The following FIG4 variants were observed in gnomAD, a reference collection of about 807,000 sequenced individuals.
FIG4 encodes the protein polyphosphoinositide phosphatase.
FIG4 carries 112 observed loss-of-function variants against 118.6 expected under a neutral mutation model. The ratio of observed to expected loss-of-function variants is 0.94; its 90% CI spans 0.81 to 1.11. The LOEUF (loss-of-function observed/expected upper bound fraction) is 1.11. Ranked by LOEUF, FIG4 falls within the 50% of genes least tolerant of loss-of-function variation. FIG4 has a pLI of 0.00. For missense variants in FIG4, 969 were observed against 1,111.7 expected (o/e 0.87, Z 1.83); for synonymous variants, 369 against 381.2 (o/e 0.97, Z 0.37).
intron 1 of FIG4, among the ~76,000 whole-genome samples, chr6:109,713,086 G>A (rs542922400): frequency 1.3e-4 from 20 of 152,276 alleles, no homozygotes; most frequent in African/African-American, 4.3e-4. Context: ...CTGGCTCCTC[G>A]AGGTTAGGTA....
At chr6:109,807,893 A>C (rs1446633688) in intron 22 of FIG4, among the ~76,000 whole-genome samples, 1 of 152,036 alleles carries the variant, frequency 6.6e-6, no homozygotes, top group Non-Finnish European at 1.5e-5. Context: ...GTTTTGTCAG[A>C]TTTGTCAAAG....
At chr6:109,734,521 A>T (rs996982940) in intron 5 of FIG4, among the ~76,000 whole-genome samples, 1 of 151,194 alleles carries the variant, frequency 6.6e-6, no homozygotes, top group African/African-American at 2.4e-5. Flanking sequence ...ATCTCTAGCT[A>T]TATATATAAA....
At chr6:109,771,406 C>G (rs1404209830) in intron 15 of FIG4, among the ~76,000 whole-genome samples, 3 of 151,166 alleles carry the variant, frequency 2.0e-5, no homozygotes, top group Non-Finnish European at 4.4e-5. Context: ...ATCTGATGAC[C>G]TTGCTTCGTG....
intron 10 of FIG4, 115 bp from the exon 11 acceptor site, chr6:109,760,135 G>C (rs554995537): frequency 4.0e-5 from 31 of 774,642 alleles, no homozygotes; most frequent in East Asian, 3.4e-4. Flanking sequence ...TTTCATTTTA[G>C]TATATTTAAG....
At chr6:109,768,182 G>A in intron 15 of FIG4, among the ~76,000 whole-genome samples, 1 of 152,142 alleles carries the variant, frequency 6.6e-6, no homozygotes, top group East Asian at 1.9e-4. Context: ...GGTTGGCCTG[G>A]GTCCTGGCCA....
At chr6:109,763,860 T>C in intron 12 of FIG4, 77 bp from the exon 13 acceptor site, 1 of 983,228 alleles carries the variant, frequency 1.0e-6, no homozygotes, top group South Asian at 1.3e-5. Flanking sequence ...TCTATGATTC[T>C]TAACAAGGAT....
chr6:109,743,831 C>A, intron 10 of FIG4, 59 bp downstream of exon 10: 1 of 1,195,306 alleles, frequency 8.4e-7, no homozygotes, highest in Non-Finnish European at 1.2e-6. Context: ...GCCTCTTCCT[C>A]AACACAGAGG....
chr6:109,819,711 C>T (rs1352263163), intron 22 of FIG4, among the ~76,000 whole-genome samples: 3 of 152,064 alleles, frequency 2.0e-5, no homozygotes, highest in African/African-American at 2.4e-5. Flanking sequence ...TCAGGTGATC[C>T]GCCTGCCTCA....
intron 12 of FIG4, among the ~76,000 whole-genome samples, chr6:109,762,572 T>G (rs1777145130): frequency 6.6e-6 from 1 of 150,614 alleles, no homozygotes. Context: ...GTATTATAGT[T>G]ATTCGCTCAC....
chr6:109,747,301 A>G (rs1409878713), intron 10 of FIG4, among the ~76,000 whole-genome samples: 2 of 152,060 alleles, frequency 1.3e-5, no homozygotes, highest in Admixed American at 6.6e-5. Flanking sequence ...AAAACCTCAG[A>G]GCTTGTCTTG....
chr6:109,824,521 G>A (rs1325444638), intron 22 of FIG4, among the ~76,000 whole-genome samples: 4 of 152,158 alleles, frequency 2.6e-5, no homozygotes, highest in African/African-American at 9.7e-5. Flanking sequence ...TTTCAGAATT[G>A]CGGTAAGAAA....
Position 109,716,672 on chromosome 6 carries a change from T to C in FIG4, c.289+104T>C, listed in dbSNP as rs1775440549. The C allele has an allele frequency of 3.8e-6, 5 of 1,310,906 alleles. No individual in the cohort carries two copies. The Admixed American group carries it at 5.5e-5, about 14-fold the overall frequency. 81.2% of individuals were successfully genotyped at this position (1,310,906 alleles called of 1,614,324 possible). ...ATAAGGCTATAAGGCTTTAAAATTA[T>C]AATTACCTGTAGCTTTGGTTATTTA... On this transcript the variant is annotated intron_variant, in intron 3 of 22. Coordinates refer to ENST00000230124, the MANE Select transcript of FIG4 (RefSeq NM_014845.6).
chr6:109,701,147 G>A (rs1298832777), intron 1 of FIG4, among the ~76,000 whole-genome samples: 2 of 152,206 alleles, frequency 1.3e-5, no homozygotes, highest in African/African-American at 4.8e-5. Flanking sequence ...TATTTGGAGA[G>A]GAAAGGGAGC....
At chr6:109,752,894 C>T (rs964490331) in intron 10 of FIG4, among the ~76,000 whole-genome samples, 90 of 152,054 alleles carry the variant, frequency 5.9e-4, no homozygotes, top group African/African-American at 2.0e-3. Context: ...TTTTGGTGTT[C>T]TAGACATGAA....
Position 109,825,136 on chromosome 6 carries a change from C to G in FIG4, c.2595C>G (p.Pro865=), listed in dbSNP as rs1779121347. 6.2e-7 allele frequency: 1 copy of G among 1,614,074 alleles called. No individual in the cohort carries two copies. Among genetic ancestry groups the G allele is most frequent in the Non-Finnish European group, 8.5e-7 (1 of 1,179,954 alleles). The change falls in exon 23 of 23, where the codon CCC becomes CCG. Residue 865 remains proline (P), a synonymous_variant. Coordinates refer to ENST00000230124, the MANE Select transcript of FIG4 (RefSeq NM_014845.6). ...FSQDNIYEVQ[P]PRVDRKSTEI... Reference sequence around the variant, plus strand: ...AAGATAACATCTATGAAGTTCAGCCCCCAAGAGTAGACAGAAAATCTACAG... The same window carrying G: ...AAGATAACATCTATGAAGTTCAGCCGCCAAGAGTAGACAGAAAATCTACAG...
chr6:109,762,214 A>G lies in FIG4; in HGVS notation c.1388+7A>G. 2 of 1,500,208 alleles carry G rather than the reference A, an allele frequency of 1.3e-6. No individual in the cohort carries two copies. Among genetic ancestry groups the G allele is most frequent in the East Asian group, 2.3e-5 (1 of 44,316 alleles). 92.9% of individuals were successfully genotyped at this position (1,500,208 alleles called of 1,614,324 possible). A position where few individuals can be genotyped will look rare whatever the true frequency, so the allele number is the denominator to read the frequency against. On this transcript the variant is annotated splice_region_variant and intron_variant, in intron 12 of 22. Transcript: ENST00000230124. ...TTTTGCGGCCAGATGAAAAGTATGT[A>G]TGGTATTTTAAAACTTATAATAAAT...
chr6:109,770,950 C>G (rs1777440125), intron 15 of FIG4, among the ~76,000 whole-genome samples: 1 of 152,162 alleles, frequency 6.6e-6, no homozygotes, highest in Non-Finnish European at 1.5e-5. Flanking sequence ...TGATAGTACT[C>G]TAAAGGACTG....
chr6:109,768,123 G>A (rs894103720), intron 15 of FIG4, among the ~76,000 whole-genome samples: 7 of 152,192 alleles, frequency 4.6e-5, no homozygotes, highest in African/African-American at 1.7e-4. Flanking sequence ...ATACTTGAGT[G>A]TTGACTGGTA....
chr6:109,800,785 A>G (rs956043432), intron 22 of FIG4, among the ~76,000 whole-genome samples: 1 of 152,004 alleles, frequency 6.6e-6, no homozygotes, highest in African/African-American at 2.4e-5. Flanking sequence ...TTTTTTCCTT[A>G]TAAACCCTTT....
Sources: allele counts gnomAD v4.1 joint callset (sites outside exome capture counted in the v4.1 genomes callset), GRCh38; gene constraint gnomAD v4.1.1; transcripts MANE v1.5; gene names NCBI Gene and HGNC (gene_info 2026-07-23, HGNC 2026-07-21).